FAM135B: variants seen among roughly 807,000 people sequenced by gnomAD.
The protein encoded by FAM135B is family with sequence similarity 135 member B.
Under a neutral mutation model 127.7 loss-of-function variants are expected in FAM135B, and 43 were observed. The observed-to-expected ratio is 0.34, with a 90% confidence interval of 0.26 to 0.43. The LOEUF is 0.43. Among genes scored for constraint, FAM135B ranks in the 20% least tolerant of loss-of-function variants. The pLI is 1.00. For missense variants in FAM135B, 1,558 were observed against 1,725.6 expected (o/e 0.90, Z 1.72); for synonymous variants, 670 against 665.1 (o/e 1.01, Z -0.11).
At chr8:138,398,201 G>A (rs1328315725) in intron 1 of FAM135B, among the ~76,000 whole-genome samples, 1 of 152,200 alleles carries the variant, frequency 6.6e-6, no homozygotes, top group African/African-American at 2.4e-5. Flanking sequence ...GAGCCCAGAG[G>A]AGTTATGGCA....
intron 1 of FAM135B, among the ~76,000 whole-genome samples, chr8:138,416,760 G>T (rs930033623): frequency 6.6e-6 from 1 of 151,984 alleles, no homozygotes; most frequent in Non-Finnish European, 1.5e-5. Flanking sequence ...AAGAAGATTA[G>T]CACACTCCAA....
chr8:138,496,140 C>T (rs902362472), intron 1 of FAM135B, among the ~76,000 whole-genome samples: 2 of 152,226 alleles, frequency 1.3e-5, no homozygotes, highest in Non-Finnish European at 2.9e-5. Context: ...ACATCCCCTC[C>T]AGTGACTGGG....
At chr8:138,139,868 A>G (rs987556976) in intron 17 of FAM135B, among the ~76,000 whole-genome samples, 3 of 152,252 alleles carry the variant, frequency 2.0e-5, no homozygotes, top group African/African-American at 7.2e-5. Context: ...CAAGCAAATT[A>G]ATCTGATAGA....
intron 2 of FAM135B, among the ~76,000 whole-genome samples, chr8:138,341,526 A>T: frequency 2.4e-4 from 1 of 4,096 alleles, no homozygotes; most frequent in African/African-American, 3.0e-4. Flanking sequence ...CAACAATGTG[A>T]ATGTACTTAT....
At chr8:138,239,866 G>A (rs1462581087) in intron 7 of FAM135B, among the ~76,000 whole-genome samples, 9 of 152,228 alleles carry the variant, frequency 5.9e-5, no homozygotes, top group Admixed American at 2.6e-4. Context: ...GGATGAAGCT[G>A]GAAACCATCA....
At chr8:138,455,994 C>T (rs753392601) in intron 1 of FAM135B, among the ~76,000 whole-genome samples, 24 of 152,186 alleles carry the variant, frequency 1.6e-4, no homozygotes, top group Non-Finnish European at 3.2e-4. Context: ...ATTTCTGTCT[C>T]TCAAATGGGA....
At chr8:138,227,928 T>A (rs1322138803) in intron 7 of FAM135B, among the ~76,000 whole-genome samples, 2 of 152,164 alleles carry the variant, frequency 1.3e-5, no homozygotes, top group African/African-American at 2.4e-5. Flanking sequence ...CATATTGTCA[T>A]ATGTCTCTGC....
At chr8:138,248,342 CTG>C (rs1821441597) in intron 6 of FAM135B, among the ~76,000 whole-genome samples, 1 of 152,192 alleles carries the variant, frequency 6.6e-6, no homozygotes, top group Non-Finnish European at 1.5e-5. Flanking sequence ...CTGCCACACT[CTG>C]AGACTTTAAT....
chr8:138,206,461 C>A (rs1410498055), intron 7 of FAM135B, among the ~76,000 whole-genome samples: 2 of 150,562 alleles, frequency 1.3e-5, no homozygotes, highest in South Asian at 2.1e-4. Context: ...ACACACAACT[C>A]CAGCATCCCC....
intron 1 of FAM135B, among the ~76,000 whole-genome samples, chr8:138,417,387 C>T (rs1045238648): frequency 8.5e-5 from 13 of 152,174 alleles, no homozygotes; most frequent in South Asian, 2.1e-4. Flanking sequence ...GCCCTCACCA[C>T]CAGCAACCCT....
At chr8:138,207,892 C>T (rs1046233691) in intron 7 of FAM135B, among the ~76,000 whole-genome samples, 4 of 152,172 alleles carry the variant, frequency 2.6e-5, no homozygotes, top group African/African-American at 9.7e-5. Context: ...GATAGCACTG[C>T]CATACCAGGG....
intron 5 of FAM135B, among the ~76,000 whole-genome samples, chr8:138,256,087 C>T (rs1219872503): frequency 6.6e-6 from 1 of 151,928 alleles, no homozygotes; most frequent in Non-Finnish European, 1.5e-5. Flanking sequence ...ACTTTTCATA[C>T]CTAAAAAAGG....
chr8:138,375,716 GT>G (rs1426640598), intron 1 of FAM135B, among the ~76,000 whole-genome samples: 4 of 152,104 alleles, frequency 2.6e-5, no homozygotes, highest in African/African-American at 9.7e-5. Flanking sequence ...TGGCATGTGT[GT>G]TGGTTTCCCT....
intron 3 of FAM135B, among the ~76,000 whole-genome samples, chr8:138,299,311 G>A (rs1032809641): frequency 1.3e-5 from 2 of 151,878 alleles, no homozygotes; most frequent in African/African-American, 4.8e-5. Context: ...ATCAAAGAAG[G>A]CCCAATTCAT....
intron 1 of FAM135B, among the ~76,000 whole-genome samples, chr8:138,402,915 T>C (rs1010351906): frequency 9.9e-5 from 15 of 152,096 alleles, no homozygotes; most frequent in African/African-American, 3.6e-4. Flanking sequence ...GTGGAAACTC[T>C]CAAGGGAGAT....
intron 1 of FAM135B, among the ~76,000 whole-genome samples, chr8:138,432,705 A>T (rs764348364): frequency 6.6e-6 from 1 of 152,088 alleles, no homozygotes; most frequent in Non-Finnish European, 1.5e-5. Flanking sequence ...TTCATCTTCT[A>T]TTAGCATAGG....
rs185542138 is a variant in FAM135B at position 138,313,187 on chromosome 8, A to C, written c.78-2267T>G. On this transcript the variant is annotated intron_variant, in intron 2 of 19. Coordinates refer to ENST00000395297, the MANE Select transcript of FAM135B (RefSeq NM_015912.4). ...CACTCTGTCACCCAGGCTGGAGTGC[A>C]GTGGTGCGATCTCGGCTCACTGCAA... Among the ~76,000 whole-genome samples the C allele has an allele frequency of 4.3e-3, 654 of 152,282 alleles. 4 individuals are homozygous for C. The highest frequency in any genetic ancestry group is 0.015 in the African/African-American group (608 of 41,570).
At chr8:138,289,073 C>A (rs193226021) in intron 3 of FAM135B, among the ~76,000 whole-genome samples, 2 of 152,218 alleles carry the variant, frequency 1.3e-5, no homozygotes, top group Admixed American at 6.5e-5. Flanking sequence ...TCTCTCATTA[C>A]CCACTGTTAG....
At chr8:138,440,197 A>G (rs1273752874) in intron 1 of FAM135B, 1 of 152,158 alleles carries the variant, frequency 6.6e-6, no homozygotes, top group African/African-American at 2.4e-5. Flanking sequence ...GGTGAGAGGT[A>G]GCTTCCTGGC....
Sources: allele counts gnomAD v4.1 joint callset (sites outside exome capture counted in the v4.1 genomes callset), GRCh38; gene constraint gnomAD v4.1.1; transcripts MANE v1.5; gene names NCBI Gene and HGNC (gene_info 2026-07-23, HGNC 2026-07-21).